Variants in CSMD1 observed in about 807,000 individuals in gnomAD.
CSMD1 encodes CUB and sushi domain-containing protein 1.
A neutral mutation model predicts 417.5 loss-of-function variants in CSMD1; 213 were observed. The observed-to-expected ratio is 0.51, with a 90% CI of 0.46 to 0.57. The LOEUF is 0.57. CSMD1 is among the 20% of genes least tolerant of loss of function. The probability of loss-of-function intolerance (pLI) is 0.00; values close to 1 mark genes in which losing one functional copy is unlikely to be tolerated. For synonymous variants in CSMD1, 2,862 were observed against 1,736.8 expected, an observed-to-expected ratio of 1.65 and a Z score of -16.11; for missense variants, 6,923 against 4,529.7, an observed-to-expected ratio of 1.53 and a Z score of -15.17.
chr8:4,200,381 T>A (rs1327297153), intron 3 of CSMD1, among the ~76,000 whole-genome samples: 1 of 152,120 alleles, frequency 6.6e-6, no homozygotes, highest in East Asian at 1.9e-4. Flanking sequence ...GAAATACAAC[T>A]TTAAAAAGCA....
At chr8:4,821,914 T>C (rs2117390098) in intron 1 of CSMD1, among the ~76,000 whole-genome samples, 1 of 152,282 alleles carries the variant, frequency 6.6e-6, no homozygotes, top group African/African-American at 2.4e-5. Context: ...TCACATTTGC[T>C]TGCCTGCTTC....
intron 12 of CSMD1, among the ~76,000 whole-genome samples, chr8:3,462,691 A>T (rs1816580990): frequency 1.3e-5 from 2 of 152,180 alleles, no homozygotes; most frequent in Admixed American, 1.3e-4. Context: ...TAAAGTGCAC[A>T]GTAAATGCAA....
intron 2 of CSMD1, among the ~76,000 whole-genome samples, chr8:4,634,496 A>C (rs984062131): frequency 2.6e-5 from 4 of 152,190 alleles, no homozygotes; most frequent in African/African-American, 9.6e-5. Flanking sequence ...TAAACTTCTA[A>C]AAATAGCTTT....
chr8:4,031,103 T>G (rs1162656818), intron 4 of CSMD1, among the ~76,000 whole-genome samples: 3 of 152,332 alleles, frequency 2.0e-5, no homozygotes, highest in East Asian at 3.9e-4. Context: ...CACATTTTCC[T>G]GTCTCCTTCT....
At chr8:3,650,014 C>A (rs552596397) in intron 7 of CSMD1, among the ~76,000 whole-genome samples, 2 of 152,278 alleles carry the variant, frequency 1.3e-5, no homozygotes, top group Non-Finnish European at 2.9e-5. Flanking sequence ...CCTGGTGGCT[C>A]ATGCCTGGAA....
chr8:3,239,491 G>C (rs972879983), intron 26 of CSMD1, among the ~76,000 whole-genome samples: 1 of 152,214 alleles, frequency 6.6e-6, no homozygotes, highest in African/African-American at 2.4e-5. Flanking sequence ...TTAGTTTGCT[G>C]ACTCGGGGCA....
chr8:3,475,230 A>G (rs1368878365), intron 11 of CSMD1, among the ~76,000 whole-genome samples: 1 of 152,152 alleles, frequency 6.6e-6, no homozygotes, highest in Non-Finnish European at 1.5e-5. Flanking sequence ...CCTTCACGCA[A>G]TTCAGTTTCA....
chr8:4,839,472 A>G (rs921226075), intron 1 of CSMD1, among the ~76,000 whole-genome samples: 1 of 152,212 alleles, frequency 6.6e-6, no homozygotes, highest in African/African-American at 2.4e-5. Context: ...TGACATTTGC[A>G]CTGAAAAATC....
At position 4,466,992 on chromosome 8, in the gene CSMD1, G is replaced by C. The variant is rs112648541; in HGVS notation, c.303-46927C>G. ...TGTAAGGAAATGCTCAGCTGTGGGA[G>C]CTTTCTCAACATAGCTCAACTGGCC... On this transcript the variant is annotated intron_variant, in intron 2 of 69. Transcript: ENST00000635120. Among the ~76,000 whole-genome samples the C allele has an allele frequency of 7.4e-3, 1,127 of 151,998 alleles. 13 individuals carry two copies. Among genetic ancestry groups the C allele is most frequent in the African/African-American group, 0.025 (1,046 of 41,434 alleles).
At chr8:4,680,324 T>C (rs1052971266) in intron 1 of CSMD1, among the ~76,000 whole-genome samples, 2 of 152,184 alleles carry the variant, frequency 1.3e-5, no homozygotes, top group African/African-American at 4.8e-5. Context: ...ATCAAAAATC[T>C]GAAAGCACCG....
intron 7 of CSMD1, among the ~76,000 whole-genome samples, chr8:3,634,060 C>G (rs1443853643): frequency 2.2e-5 from 3 of 135,904 alleles, no homozygotes; most frequent in African/African-American, 8.5e-5. Flanking sequence ...CTCAGCACAT[C>G]TGGGTAGGGG....
chr8:4,365,470 C>T (rs1802016469), intron 3 of CSMD1, among the ~76,000 whole-genome samples: 1 of 152,150 alleles, frequency 6.6e-6, no homozygotes, highest in Non-Finnish European at 1.5e-5. Flanking sequence ...TGTTCTTTTT[C>T]TCCAAGTCTA....
At chr8:4,039,989 C>T (rs1797804403) in intron 3 of CSMD1, among the ~76,000 whole-genome samples, 1 of 152,184 alleles carries the variant, frequency 6.6e-6, no homozygotes, top group Non-Finnish European at 1.5e-5. Flanking sequence ...GCACTCGGTA[C>T]AGGTTAAGTG....
chr8:3,420,496 C>A (rs1246566214), intron 12 of CSMD1, among the ~76,000 whole-genome samples: 1 of 148,356 alleles, frequency 6.7e-6, no homozygotes, highest in Non-Finnish European at 1.5e-5. Flanking sequence ...TGTTGTGATG[C>A]ATGTACCTAA....
intron 5 of CSMD1, among the ~76,000 whole-genome samples, chr8:3,771,023 T>TGTGC (rs1231345979): frequency 6.6e-6 from 1 of 151,500 alleles, no homozygotes; most frequent in Non-Finnish European, 1.5e-5. Context: ...TGTGTCTGTG[T>TGTGC]GTGTGTCTGC....
chr8:3,791,437 C>T (rs567728137), intron 5 of CSMD1, among the ~76,000 whole-genome samples: 2 of 152,318 alleles, frequency 1.3e-5, no homozygotes, highest in Non-Finnish European at 2.9e-5. Context: ...CTCACAGCAT[C>T]CTAGCATAGT....
At chr8:4,701,416 T>C (rs551575393) in intron 1 of CSMD1, among the ~76,000 whole-genome samples, 1 of 152,108 alleles carries the variant, frequency 6.6e-6, no homozygotes, top group South Asian at 2.1e-4. Flanking sequence ...TACTTTGTCC[T>C]GTGCCTGAAC....
At chr8:4,970,575 A>T (rs143934165) in intron 1 of CSMD1, among the ~76,000 whole-genome samples, 8 of 151,752 alleles carry the variant, frequency 5.3e-5, no homozygotes, top group Non-Finnish European at 7.4e-5. Flanking sequence ...AATACTAATG[A>T]TCTTGATTTT....
intron 5 of CSMD1, among the ~76,000 whole-genome samples, chr8:3,843,055 T>A (rs1485337620): frequency 2.0e-5 from 3 of 152,172 alleles, no homozygotes; most frequent in Admixed American, 2.0e-4. Context: ...ACATGATAAA[T>A]GTTGTAATGA....
Sources: allele counts gnomAD v4.1 joint callset (sites outside exome capture counted in the v4.1 genomes callset), GRCh38; gene constraint gnomAD v4.1.1; transcripts MANE v1.5; gene names NCBI Gene and HGNC (gene_info 2026-07-23, HGNC 2026-07-21).